Variants in GPHN observed in about 807,000 individuals in gnomAD.
GPHN encodes the protein gephyrin.
A neutral mutation model predicts 95.5 loss-of-function variants in GPHN; 17 were observed. The observed-to-expected ratio is 0.18, with a 90% confidence interval of 0.12 to 0.27. The LOEUF (loss-of-function observed/expected upper bound fraction) is 0.27, where lower values mean the gene tolerates loss of function less well. Among genes scored for constraint, GPHN ranks in the 10% least tolerant of loss-of-function variants. The pLI, the probability that GPHN is intolerant of heterozygous loss-of-function variation, is 1.00. For synonymous variants in GPHN, 320 were observed against 322.5 expected, an observed-to-expected ratio of 0.99 and a Z score of 0.08; for missense variants, 660 against 978.1, an observed-to-expected ratio of 0.67 and a Z score of 4.34.
chr14:66,978,081 A>G (rs891823272), intron 9 of GPHN, among the ~76,000 whole-genome samples: 14 of 152,240 alleles, frequency 9.2e-5, no homozygotes, highest in Admixed American at 7.9e-4. Flanking sequence ...GTCTAAAAAA[A>G]CACACTGTGC....
chr14:66,860,297 C>G (rs1045938727), intron 4 of GPHN, among the ~76,000 whole-genome samples: 3 of 152,038 alleles, frequency 2.0e-5, no homozygotes, highest in Non-Finnish European at 4.4e-5. Flanking sequence ...GGAAAACTTA[C>G]AGGACAAAAG....
chr14:66,979,860 C>A (rs1004693079), intron 9 of GPHN, among the ~76,000 whole-genome samples: 1 of 152,088 alleles, frequency 6.6e-6, no homozygotes, highest in Non-Finnish European at 1.5e-5. Context: ...TACTTGAACT[C>A]TTAGAGGCCA....
At chr14:66,716,803 G>T (rs1192134049) in intron 2 of GPHN, among the ~76,000 whole-genome samples, 1 of 152,146 alleles carries the variant, frequency 6.6e-6, no homozygotes, top group East Asian at 1.9e-4. Flanking sequence ...AAACTTCTTG[G>T]CTGAGAATTG....
At chr14:67,359,886 G>A in the GPHN span, 1 of 661,102 alleles carries the variant, frequency 1.5e-6, no homozygotes, top group East Asian at 2.8e-5. Flanking sequence ...GGCGACGAAG[G>A]GGGAGGACAG....
At chr14:67,045,682 G>T (rs2074978385) in intron 10 of GPHN, among the ~76,000 whole-genome samples, 20 of 114,622 alleles carry the variant, frequency 1.7e-4, no homozygotes, top group South Asian at 3.0e-4. Context: ...TCCCTCTCTT[G>T]GTCTCAGTGT....
chr14:67,399,256 A>C, the GPHN span, among the ~76,000 whole-genome samples: 1 of 151,722 alleles, frequency 6.6e-6, no homozygotes, highest in Non-Finnish European at 1.5e-5. Context: ...GGTGGCAGGA[A>C]TAGAGAAGGG....
At chr14:67,396,677 C>T in the GPHN span, among the ~76,000 whole-genome samples, 1 of 152,244 alleles carries the variant, frequency 6.6e-6, no homozygotes, top group Non-Finnish European at 1.5e-5. Context: ...TCTCCTTGTT[C>T]CATCTTTGCC....
the GPHN span, chr14:67,574,417 C>T: frequency 6.6e-7 from 1 of 1,515,088 alleles, no homozygotes. This position sits in a 1 kb window ranked among gnomAD's most constrained non-coding sequence, Gnocchi z 4.2. Flanking sequence ...GAGGGTGGGG[C>T]TGATAGGGCA....
At chr14:66,668,912 G>T (rs1263504846) in intron 1 of GPHN, among the ~76,000 whole-genome samples, 1 of 146,362 alleles carries the variant, frequency 6.8e-6, no homozygotes, top group South Asian at 2.2e-4. Flanking sequence ...ACAGAGTGTC[G>T]CACTGTCGCC....
chr14:66,686,509 G>A (rs922941798), intron 2 of GPHN, among the ~76,000 whole-genome samples: 5 of 152,108 alleles, frequency 3.3e-5, no homozygotes, highest in Non-Finnish European at 5.9e-5. Context: ...TCTCTTTGTA[G>A]CAATTGTGAA....
At chr14:67,243,495 T>A in the GPHN span, among the ~76,000 whole-genome samples, 2 of 145,542 alleles carry the variant, frequency 1.4e-5, no homozygotes, top group Non-Finnish European at 3.0e-5. Context: ...TATAATTTTT[T>A]TTTTTTTTTT....
the GPHN span, chr14:67,734,282 A>T: frequency 1.3e-4 from 26 of 195,900 alleles, no homozygotes; most frequent in African/African-American, 5.5e-4. Flanking sequence ...AATATTTGCC[A>T]CCACCCTGGA....
At chr14:67,579,194 C>T in the GPHN span, 63 of 1,610,326 alleles carry the variant, frequency 3.9e-5, no homozygotes, top group Middle Eastern at 3.3e-4. Context: ...CCCTGCGGAC[C>T]GGGGAGCGGG....
chr14:67,073,154 A>T (rs1340662623), intron 11 of GPHN, among the ~76,000 whole-genome samples: 1 of 152,176 alleles, frequency 6.6e-6, no homozygotes, highest in African/African-American at 2.4e-5. Context: ...TTAGAATACT[A>T]AGATCCAGGG....
At chr14:66,542,035 AT>A (rs2059371676) in intron 1 of GPHN, among the ~76,000 whole-genome samples, 1 of 152,132 alleles carries the variant, frequency 6.6e-6, no homozygotes, top group African/African-American at 2.4e-5. Flanking sequence ...ATTTTATAGT[AT>A]TTTGTTATCT....
chr14:67,648,427 CAATT>C, the GPHN span: 358 of 335,466 alleles, frequency 1.1e-3, no homozygotes, highest in Non-Finnish European at 1.8e-3. Context: ...TATATTTAAA[CAATT>C]AAATACAAGA....
At chr14:67,202,282 A>G in the GPHN span, among the ~76,000 whole-genome samples, 1 of 152,158 alleles carries the variant, frequency 6.6e-6, no homozygotes, top group Non-Finnish European at 1.5e-5. Context: ...CTCTCCTAAA[A>G]ATACAAAAAT....
At chr14:67,603,736 G>A in the GPHN span, among the ~76,000 whole-genome samples, 2 of 152,190 alleles carry the variant, frequency 1.3e-5, no homozygotes, top group Non-Finnish European at 2.9e-5. Flanking sequence ...GGAGTGCAAT[G>A]GCACAATCTT....
At chr14:67,734,324 C>A in the GPHN span, 7 of 166,902 alleles carry the variant, frequency 4.2e-5, no homozygotes, top group South Asian at 1.1e-3. Context: ...TCCTGGCTAA[C>A]CCTGGCCTAT....
Sources: allele counts gnomAD v4.1 joint callset (sites outside exome capture counted in the v4.1 genomes callset), GRCh38; gene constraint gnomAD v4.1.1; non-coding constraint Gnocchi (gnomAD v3.1); transcripts MANE v1.5; gene names NCBI Gene and HGNC (gene_info 2026-07-23, HGNC 2026-07-21).